The following RASGRP4 variants were observed in gnomAD, a reference collection of about 807,000 sequenced individuals.
RASGRP4 encodes RAS guanyl-releasing protein 4.
RASGRP4 carries 52 observed loss-of-function variants against 84.4 expected under a neutral mutation model. The observed-to-expected ratio is 0.62, with a 90% CI of 0.49 to 0.78. RASGRP4 has a LOEUF of 0.78. RASGRP4 is among the 30% of genes least tolerant of loss of function. RASGRP4 has a pLI of 0.00. For synonymous variants in RASGRP4, 356 were observed against 359.1 expected, an observed-to-expected ratio of 0.99 and a Z score of 0.10; for missense variants, 760 against 886.9, an observed-to-expected ratio of 0.86 and a Z score of 1.82.
In RASGRP4 at chr19:38,420,222, G is replaced by A. The variant is rs1340026468; in HGVS notation, c.418C>T (p.Pro140Ser). ...CGACCTATGACTTCTTCTAGCTGGG[G>A]ATCCTGGTGCATCACCTCAGGGTGT... The part of the protein sequence containing the change: ...MRHPEVMHQD[P>S]QLEEVIGRFW... Residue 140 changes from proline to serine, a missense_variant, in exon 5 of 17, where the codon CCC becomes TCC. Coordinates refer to ENST00000615439, the MANE Select transcript of RASGRP4 (RefSeq NM_170604.3). 6.2e-7 allele frequency: 1 copy of A among 1,613,072 alleles called. No individual in the cohort carries two copies. The highest frequency in any genetic ancestry group is 1.3e-5 in the African/African-American group (1 of 74,918).
intron 1 of RASGRP4, among the ~76,000 whole-genome samples, chr19:38,424,708 G>C (rs919471340): frequency 1.3e-5 from 2 of 151,554 alleles, no homozygotes; most frequent in Non-Finnish European, 2.9e-5. Context: ...GCTGGGATTA[G>C]AGGCATGAGC....
In RASGRP4 at chr19:38,412,120, T is replaced by A. The variant is rs1971286518; in HGVS notation, c.1680+552A>T. ...GTTGTTGTTGTTGTTGTTGTTGTTG[T>A]TGTTGTTGTTGTTTTTGAGACAGAA... On this transcript the variant is annotated intron_variant, in intron 13 of 16. Coordinates refer to ENST00000615439, the MANE Select transcript of RASGRP4 (RefSeq NM_170604.3). This position sits in a 1 kb window ranked among gnomAD's most constrained non-coding sequence, Gnocchi z 4.6. Among the ~76,000 whole-genome samples, 1 of 123,502 alleles carries A rather than the reference T, an allele frequency of 8.1e-6. No homozygotes were observed. The allele number at this position is 123,502 out of a possible 152,430, so 81.0% of individuals were successfully genotyped here.
intron 8 of RASGRP4, 95 bp downstream of exon 8, chr19:38,416,957 A>G: frequency 1.3e-6 from 1 of 743,306 alleles, no homozygotes. Context: ...TGGTACCAGG[A>G]CCCCTGGGCA....
rs749103962 is a variant in RASGRP4, at chr19:38,420,214, T to C, written c.426A>G (p.Leu142=). The part of the protein sequence containing the change: ...HPEVMHQDPQ[L]EEVIGRFWAT... ...CCCAGAAACGACCTATGACTTCTTC[T>C]AGCTGGGGATCCTGGTGCATCACCT... The change falls in exon 5 of 17, where the codon CTA becomes CTG. Residue 142 remains leucine, a synonymous_variant. Coordinates refer to ENST00000615439, the MANE Select transcript of RASGRP4 (RefSeq NM_170604.3). The C allele has an allele frequency of 4.3e-6, 7 of 1,612,940 alleles. No individual in the cohort carries two copies. The highest frequency in any genetic ancestry group is 1.7e-5 in the Admixed American group (1 of 59,788).
chr19:38,419,869 C>G lies in RASGRP4; in HGVS notation c.654G>C (p.Gln218His). 3 of 1,597,870 alleles carry G rather than the reference C, an allele frequency of 1.9e-6. No individual in the cohort carries two copies. The highest frequency in any genetic ancestry group is 1.7e-6 in the Non-Finnish European group (2 of 1,172,138). The change falls in exon 6 of 17, where the codon CAG becomes CAC. Residue 218 changes from glutamine (Q) to histidine (H), a missense_variant. Coordinates refer to ENST00000615439, the MANE Select transcript of RASGRP4 (RefSeq NM_170604.3). ...HLTYLEFRSF[Q>H]AITPQDLRSY... ...GGGAGGGGGTCCTCACCGTGATAGC[C>G]TGGAAGGACCGGAACTCCAGGTAGG...
In RASGRP4 at chr19:38,418,351, G is replaced by T; in HGVS notation, c.837+40C>A. The T allele has an allele frequency of 1.3e-6, 2 of 1,574,420 alleles. No individual in the cohort carries two copies. Among genetic ancestry groups the T allele is most frequent in the South Asian group, 1.2e-5 (1 of 86,126 alleles). On this transcript the variant is annotated intron_variant, in intron 7 of 16. Coordinates refer to ENST00000615439, the MANE Select transcript of RASGRP4 (RefSeq NM_170604.3). This position sits in a 1 kb window ranked among gnomAD's most constrained non-coding sequence, Gnocchi z 4.6. ...CTGGAAGGGGAAGGACCAGGTGGCT[G>T]CGTGCAGTGGAGTTCGCAGCCCCAA...
At chr19:38,420,040 G>A in intron 5 of RASGRP4, 27 bp from the exon 6 acceptor site, 2 of 1,612,048 alleles carry the variant, frequency 1.2e-6, no homozygotes, top group African/African-American at 1.3e-5. Flanking sequence ...GCAGGGTATT[G>A]GAGTGGCTCA....
In RASGRP4 at chr19:38,418,180, G is replaced by A. The variant is rs1297473073; in HGVS notation, c.837+211C>T. On this transcript the variant is annotated intron_variant, in intron 7 of 16. Coordinates refer to ENST00000615439, the MANE Select transcript of RASGRP4 (RefSeq NM_170604.3). The surrounding 1 kb of genome is among the most constrained non-coding windows in gnomAD (Gnocchi z 4.6). ...AGCCTGTCACGTCTAGGGCCAAGGGGTGGGGCCACGGTGGGTGCGACGCGG... is the reference window on the plus strand; with the variant it reads ...AGCCTGTCACGTCTAGGGCCAAGGGATGGGGCCACGGTGGGTGCGACGCGG... Among the ~76,000 whole-genome samples, 1 of 152,156 alleles carries A rather than the reference G, an allele frequency of 6.6e-6. No individual in the cohort carries two copies. The highest frequency in any genetic ancestry group is 2.4e-5 in the African/African-American group (1 of 41,432).
In RASGRP4 at chr19:38,417,132, C is replaced by A; in HGVS notation, c.874G>T (p.Ala292Ser). The stretch of plus-strand genomic sequence containing the variant: ...CTGTGACACAGGCCCCCTGTGACTG[C>A]CATCAGCGTGTTGAAATTCTGCAGC... ...HQLQNFNTLM[A>S]VTGGLCHSAI... Residue 292 changes from alanine (A) to serine (S), a missense_variant, in exon 8 of 17, where the codon GCA becomes TCA. By Grantham distance (99) the Ala-to-Ser change is moderately conservative. Coordinates refer to ENST00000615439, the MANE Select transcript of RASGRP4 (RefSeq NM_170604.3). This position sits in a 1 kb window ranked among gnomAD's most constrained non-coding sequence, Gnocchi z 5.1. The A allele has an allele frequency of 6.4e-7, 1 of 1,563,270 alleles. No homozygotes were observed.
chr19:38,416,086 G>A (rs1971488723), intron 8 of RASGRP4, among the ~76,000 whole-genome samples: 2 of 150,816 alleles, frequency 1.3e-5, no homozygotes, highest in African/African-American at 4.9e-5. Context: ...AGGCTGAGGG[G>A]GAGGCTCCAG....
At position 38,411,368 on chromosome 19, in the gene RASGRP4, G is replaced by C. The variant is rs370977740; in HGVS notation, c.1694C>G (p.Thr565Ser). 2 of 1,588,458 alleles carry C rather than the reference G, an allele frequency of 1.3e-6. No individual in the cohort carries two copies. Among genetic ancestry groups the C allele is most frequent in the Non-Finnish European group, 1.7e-6 (2 of 1,166,638 alleles). ...DSCSGFLWGV[T>S]KQGYRCRECG... ...ACCCCGACAGCGGTAGCCTTGCTTG[G>C]TGACACCCCAGAGCTGGGAAGAGAA... is the stretch of plus-strand genomic sequence containing the variant. Residue 565 changes from threonine to serine, a missense_variant, in exon 14 of 17, where the codon ACC becomes AGC. Transcript: ENST00000615439.
In RASGRP4 at chr19:38,416,189, C is replaced by T. The variant is rs549839846; in HGVS notation, c.954+863G>A. ...ATTTTTAAATTTTTTTTCAGCCAGG[C>T]GCGGAGGCTCACACCTGTAATCCCA... is the stretch of plus-strand genomic sequence containing the variant. On this transcript the variant is annotated intron_variant, in intron 8 of 16. Coordinates refer to ENST00000615439, the MANE Select transcript of RASGRP4 (RefSeq NM_170604.3). 4.0e-5 allele frequency among the ~76,000 whole-genome samples: 6 copies of T among 151,616 alleles called. No homozygotes were observed. The East Asian group carries it at 9.8e-4, about 25-fold the overall frequency.
Position 38,412,850 on chromosome 19 carries a change from C to T in RASGRP4, c.1536-34G>A, listed in dbSNP as rs1019927275. On this transcript the variant is annotated intron_variant, in intron 12 of 16. Coordinates refer to ENST00000615439, the MANE Select transcript of RASGRP4 (RefSeq NM_170604.3). This position sits in a 1 kb window ranked among gnomAD's most constrained non-coding sequence, Gnocchi z 4.6. ...AGAAACTGAGCCTCAGCATGACCTG[C>T]CCCAACGTCCTCCAGACCCAGGAGT... The T allele has an allele frequency of 1.2e-6, 2 of 1,611,464 alleles. No homozygotes were observed. Among genetic ancestry groups the T allele is most frequent in the Admixed American group, 1.7e-5 (1 of 59,692 alleles).
chr19:38,410,904 A>G lies in RASGRP4; in HGVS notation c.1947T>C (p.Pro649=). The change falls in exon 16 of 17, where the codon CCT becomes CCC. Residue 649 remains proline, a synonymous_variant. Transcript: ENST00000615439. ...HAWTQTESPH[P]SWETDTVPCP... ...TCCTCACCGTATCTGTTTCCCAGGA[A>G]GGGTGTGGGGATTCAGTCTGGGTCC... The G allele has an allele frequency of 1.9e-6, 3 of 1,599,968 alleles. No individual in the cohort carries two copies. Among genetic ancestry groups the G allele is most frequent in the East Asian group, 2.3e-5 (1 of 44,362 alleles).
At chr19:38,414,752 A>G in intron 9 of RASGRP4, 96 bp downstream of exon 9, 1 of 1,305,394 alleles carries the variant, frequency 7.7e-7, no homozygotes, top group East Asian at 2.6e-5. Context: ...GCACTCCAGC[A>G]CTTTTCTATC....
Position 38,418,213 on chromosome 19 carries a change from A to G in RASGRP4, c.837+178T>C, listed in dbSNP as rs1333658948. Among the ~76,000 whole-genome samples, 6 of 151,520 alleles carry G rather than the reference A, an allele frequency of 4.0e-5. No individual in the cohort carries two copies. The highest frequency in any genetic ancestry group is 3.9e-4 in the Admixed American group (6 of 15,234). On this transcript the variant is annotated intron_variant, in intron 7 of 16. Coordinates refer to ENST00000615439, the MANE Select transcript of RASGRP4 (RefSeq NM_170604.3). This position sits in a 1 kb window ranked among gnomAD's most constrained non-coding sequence, Gnocchi z 4.6. ...ACGGTGGGTGCGACGCGGTGACATC[A>G]AGGCCAAAGAAGAAGTTACGGTCCT... is the stretch of plus-strand genomic sequence containing the variant.
chr19:38,422,415 T>C (rs1971797787), intron 1 of RASGRP4, among the ~76,000 whole-genome samples: 1 of 152,124 alleles, frequency 6.6e-6, no homozygotes, highest in Admixed American at 6.5e-5. Context: ...AGGAAGATCC[T>C]CAAGACCAGG....
rs145870833 is a variant in RASGRP4 at position 38,410,976 on chromosome 19, G to A, written c.1875C>T (p.Tyr625=). The A allele has an allele frequency of 1.7e-5, 28 of 1,602,330 alleles. 1 individual carries two copies. In the African/African-American group the frequency reaches 2.3e-4, roughly 13 times the overall value. ...CAGTCTCAGGCTCCAGGGATAGCGT[G>A]TAGGAGTGATTTTCCTCGGAGCCTG... ...ASCGSEENHS[Y]TLSLEPETGC... The change falls in exon 16 of 17, where the codon TAC becomes TAT. Residue 625 remains tyrosine (Y), a synonymous_variant. Coordinates refer to ENST00000615439, the MANE Select transcript of RASGRP4 (RefSeq NM_170604.3).
At chr19:38,410,182 T>TA in intron 16 of RASGRP4, 86 bp from the exon 17 acceptor site, 2 of 1,056,916 alleles carry the variant, frequency 1.9e-6, no homozygotes, top group African/African-American at 1.6e-5. Flanking sequence ...CAGGAACACT[T>TA]CCCTGCCCAG....
Sources: gnomAD v4.1 joint callset for allele counts (sites outside exome capture counted in the v4.1 genomes callset) on GRCh38, gnomAD v4.1.1 for gene constraint, Gnocchi (gnomAD v3.1) non-coding constraint, MANE v1.5 for transcripts, NCBI Gene and HGNC (gene_info 2026-07-23, HGNC 2026-07-21) for gene names.